The following ULK4 variants were observed in gnomAD, a reference collection of about 807,000 sequenced individuals.
ULK4 encodes unc-51 like kinase 4, also known as inactive serine/threonine-protein kinase ULK4.
A neutral mutation model predicts 160.6 loss-of-function variants in ULK4; 133 were observed. The ratio of observed to expected loss-of-function variants is 0.83; its 90% CI spans 0.72 to 0.96. ULK4 has a LOEUF of 0.96. Ranked by LOEUF, ULK4 falls within the 40% of genes least tolerant of loss-of-function variation. The pLI, the probability that ULK4 is intolerant of heterozygous loss-of-function variation, is 0.00. For synonymous variants in ULK4, 534 were observed against 539.8 expected, an observed-to-expected ratio of 0.99 and a Z score of 0.15; for missense variants, 1,580 against 1,499.5, an observed-to-expected ratio of 1.05 and a Z score of -0.89.
intron 34 of ULK4, among the ~76,000 whole-genome samples, chr3:41,416,297 C>T (rs1450011376): frequency 6.6e-6 from 1 of 152,160 alleles, no homozygotes; most frequent in African/African-American, 2.4e-5. Context: ...GAATATTTCA[C>T]ATAAAATCTC....
intron 8 of ULK4, among the ~76,000 whole-genome samples, chr3:41,914,027 G>A (rs1180207214): frequency 2.6e-5 from 4 of 152,084 alleles, no homozygotes; most frequent in African/African-American, 9.7e-5. Flanking sequence ...TTCACACCTT[G>A]TTTAGGAATC....
At chr3:41,695,721 C>G (rs894809868) in intron 27 of ULK4, among the ~76,000 whole-genome samples, 1 of 152,034 alleles carries the variant, frequency 6.6e-6, no homozygotes, top group Non-Finnish European at 1.5e-5. Flanking sequence ...ACCGAGGCCA[C>G]GAGCTGTTCC....
intron 29 of ULK4, among the ~76,000 whole-genome samples, chr3:41,675,347 T>C (rs1001477102): frequency 6.6e-6 from 1 of 151,964 alleles, no homozygotes; most frequent in Non-Finnish European, 1.5e-5. Flanking sequence ...CCCAGCACTT[T>C]AGAAGGCAGA....
At chr3:41,479,685 G>A (rs183948629) in intron 32 of ULK4, among the ~76,000 whole-genome samples, 1 of 152,150 alleles carries the variant, frequency 6.6e-6, no homozygotes. Flanking sequence ...AGCAGAGACA[G>A]GTAGGGCAGA....
chr3:41,520,541 GT>G (rs1173514581), intron 32 of ULK4, among the ~76,000 whole-genome samples: 1 of 152,156 alleles, frequency 6.6e-6, no homozygotes. Flanking sequence ...TTGTGTATGT[GT>G]TTGAGTCCCT....
At chr3:41,843,284 T>C (rs967911319) in intron 17 of ULK4, among the ~76,000 whole-genome samples, 1 of 151,904 alleles carries the variant, frequency 6.6e-6, no homozygotes, top group African/African-American at 2.4e-5. Flanking sequence ...ATGGTAAAAA[T>C]AAAAAATAGT....
chr3:41,906,216 CAAAAAAAAA>C (rs58001920), intron 12 of ULK4, among the ~76,000 whole-genome samples: 4 of 67,114 alleles, frequency 6.0e-5, no homozygotes, highest in Admixed American at 2.5e-4. Flanking sequence ...GACTCCGTCT[CAAAAAAAAA>C]AAAAAAAAAA....
intron 35 of ULK4, among the ~76,000 whole-genome samples, chr3:41,353,708 CTA>C (rs1559540436): frequency 2.1e-4 from 23 of 111,320 alleles, no homozygotes; most frequent in Non-Finnish European, 3.6e-4. Context: ...ATTACTACTA[CTA>C]CTACTACTAC....
intron 34 of ULK4, among the ~76,000 whole-genome samples, chr3:41,430,623 A>C (rs1366207818): frequency 6.6e-6 from 1 of 152,228 alleles, no homozygotes; most frequent in Admixed American, 6.5e-5. Flanking sequence ...GTTCACAAAG[A>C]GAGTTTATTA....
intron 32 of ULK4, among the ~76,000 whole-genome samples, chr3:41,542,835 T>A (rs572593948): frequency 6.6e-6 from 1 of 152,148 alleles, no homozygotes; most frequent in Non-Finnish European, 1.5e-5. Context: ...TCTCTGATAG[T>A]ATGAAAACAA....
At chr3:41,325,919 AAAAT>A (rs1002122345) in intron 35 of ULK4, among the ~76,000 whole-genome samples, 25 of 152,052 alleles carry the variant, frequency 1.6e-4, no homozygotes, top group Middle Eastern at 3.4e-3. Flanking sequence ...ACTCCATCTC[AAAAT>A]AAATAAATAA....
chr3:41,624,640 AAC>A (rs1191524798), intron 30 of ULK4, among the ~76,000 whole-genome samples: 1 of 152,070 alleles, frequency 6.6e-6, no homozygotes, highest in African/African-American at 2.4e-5. Flanking sequence ...TGTAGCTCTA[AAC>A]ATAATTTAGA....
rs549432299 is a variant in ULK4, at chr3:41,584,720, G to A, written c.3121-18590C>T. Reference sequence around the variant, plus strand: ...TCACTTCCCTCAATCTAAGACAGATGACGCAGAAAAATTAGTAAAGATAAG... The same window carrying A: ...TCACTTCCCTCAATCTAAGACAGATAACGCAGAAAAATTAGTAAAGATAAG... On this transcript the variant is annotated intron_variant, in intron 31 of 36. Coordinates refer to ENST00000301831, the MANE Select transcript of ULK4 (RefSeq NM_017886.4). Among the ~76,000 whole-genome samples, 3 of 152,240 alleles carry A rather than the reference G, an allele frequency of 2.0e-5. No homozygotes were observed. In the South Asian group the frequency reaches 6.2e-4, roughly 32 times the overall value.
chr3:41,326,401 T>C (rs1011714454), intron 35 of ULK4, among the ~76,000 whole-genome samples: 1 of 151,964 alleles, frequency 6.6e-6, no homozygotes, highest in African/African-American at 2.4e-5. Flanking sequence ...CCCACATATG[T>C]TGAAAAAATG....
At chr3:41,865,270 TTAAAAAAAAAAAAAAAAAAAAA>T (rs944475878) in intron 17 of ULK4, among the ~76,000 whole-genome samples, 6 of 65,636 alleles carry the variant, frequency 9.1e-5, no homozygotes, top group Admixed American at 2.1e-4. Context: ...GACTCTGTCT[TTAAAAAAAAAAAAAAAAAAAAA>T]AAAAAAAAAA....
intron 35 of ULK4, among the ~76,000 whole-genome samples, chr3:41,361,879 G>A (rs559122030): frequency 6.6e-6 from 1 of 152,318 alleles, no homozygotes; most frequent in South Asian, 2.1e-4. Context: ...TGAAGTAAGA[G>A]CTTCAGCAGG....
chr3:41,765,446 T>C (rs1046701877), intron 21 of ULK4, among the ~76,000 whole-genome samples: 9 of 152,076 alleles, frequency 5.9e-5, no homozygotes, highest in African/African-American at 1.7e-4. Context: ...TTAGGAGATA[T>C]ACCTAATGTA....
chr3:41,850,007 T>A (rs1434919109), intron 17 of ULK4, among the ~76,000 whole-genome samples: 2 of 152,132 alleles, frequency 1.3e-5, no homozygotes, highest in Non-Finnish European at 2.9e-5. Context: ...TTCCCCTTCC[T>A]GTGCCCAAGT....
intron 35 of ULK4, among the ~76,000 whole-genome samples, chr3:41,384,367 A>C (rs181704556): frequency 2.6e-5 from 4 of 152,326 alleles, no homozygotes; most frequent in Admixed American, 2.6e-4. Flanking sequence ...TAATAAATTC[A>C]GTATGCGAGC....
Sources: allele counts gnomAD v4.1 joint callset (sites outside exome capture counted in the v4.1 genomes callset), GRCh38; gene constraint gnomAD v4.1.1; transcripts MANE v1.5; gene names NCBI Gene and HGNC (gene_info 2026-07-23, HGNC 2026-07-21).